Variants in DPYD observed in about 807,000 individuals in gnomAD.
The protein encoded by DPYD is dihydropyrimidine dehydrogenase [NADP(+)].
Under a neutral mutation model 116.2 loss-of-function variants are expected in DPYD, and 109 were observed. The ratio of observed to expected loss-of-function variants is 0.94; its 90% CI spans 0.80 to 1.10. The LOEUF (loss-of-function observed/expected upper bound fraction) is 1.10. Ranked by LOEUF, DPYD falls within the 50% of genes least tolerant of loss-of-function variation. DPYD has a pLI of 0.00. For missense variants in DPYD, 1,302 were observed against 1,254.5 expected (o/e 1.04, Z -0.57); for synonymous variants, 440 against 432.0 (o/e 1.02, Z -0.23).
intron 18 of DPYD, among the ~76,000 whole-genome samples, chr1:97,291,344 C>G (rs796276046): frequency 6.6e-6 from 1 of 152,062 alleles, no homozygotes; most frequent in African/African-American, 2.4e-5. Flanking sequence ...TGGGTATATA[C>G]CCAAAGGACT....
At chr1:97,436,119 A>G (rs1570730839) in intron 14 of DPYD, among the ~76,000 whole-genome samples, 3 of 152,000 alleles carry the variant, frequency 2.0e-5, no homozygotes, top group Admixed American at 2.0e-4. Flanking sequence ...TACAGTTTTC[A>G]CATTATCCTT....
chr1:97,778,845 T>C (rs1666572615), intron 3 of DPYD, among the ~76,000 whole-genome samples: 1 of 152,156 alleles, frequency 6.6e-6, no homozygotes, highest in Non-Finnish European at 1.5e-5. Flanking sequence ...AAAAAAAATC[T>C]ACAGGGAATT....
intron 8 of DPYD, among the ~76,000 whole-genome samples, chr1:97,670,805 C>T (rs1279814766): frequency 6.6e-6 from 1 of 152,128 alleles, no homozygotes; most frequent in Non-Finnish European, 1.5e-5. Flanking sequence ...CTCTTATCAA[C>T]TTCACTTTAA....
intron 2 of DPYD, among the ~76,000 whole-genome samples, chr1:97,831,313 G>T (rs1284921455): frequency 6.6e-6 from 1 of 152,138 alleles, no homozygotes; most frequent in Non-Finnish European, 1.5e-5. Flanking sequence ...TATCCACTGA[G>T]TAAAGGGCAA....
rs6692877 is a variant in DPYD, at chr1:97,253,271, A to G, written c.2300-18277T>C. Among the ~76,000 whole-genome samples the G allele has an allele frequency of 4.4e-3, 664 of 152,332 alleles. 7 individuals are homozygous for G. Among genetic ancestry groups the G allele is most frequent in the African/African-American group, 0.016 (645 of 41,578 alleles). ...AAATAATTTAGAATTTGAAATCAAT[A>G]GCATTTATAGACATTGGAAAATGTC... On this transcript the variant is annotated intron_variant, in intron 18 of 22. Transcript: ENST00000370192.
intron 13 of DPYD, among the ~76,000 whole-genome samples, chr1:97,451,366 G>C (rs1402880850): frequency 1.3e-5 from 2 of 152,092 alleles, no homozygotes; most frequent in African/African-American, 4.8e-5. Context: ...AGGATAAAAG[G>C]ACTTTTCTTC....
chr1:97,215,754 T>A (rs1660335969), intron 19 of DPYD, among the ~76,000 whole-genome samples: 1 of 152,146 alleles, frequency 6.6e-6, no homozygotes, highest in South Asian at 2.1e-4. Context: ...CTTAGGCCCA[T>A]GACACTCCAT....
At chr1:97,467,434 C>G (rs1677396420) in intron 13 of DPYD, among the ~76,000 whole-genome samples, 1 of 152,160 alleles carries the variant, frequency 6.6e-6, no homozygotes, top group Non-Finnish European at 1.5e-5. Flanking sequence ...CCCTTTTAGG[C>G]CAAAACCAAT....
chr1:97,422,245 C>T (rs147287531), intron 14 of DPYD, among the ~76,000 whole-genome samples: 54 of 152,150 alleles, frequency 3.5e-4, no homozygotes, highest in African/African-American at 1.3e-3. Flanking sequence ...AGAAAATGTG[C>T]ATTTCAAATA....
intron 16 of DPYD, among the ~76,000 whole-genome samples, chr1:97,318,057 C>T (rs1450274070): frequency 6.8e-6 from 1 of 147,644 alleles, no homozygotes. Context: ...ACCAGGCCTG[C>T]CCTAAAAGAG....
intron 14 of DPYD, among the ~76,000 whole-genome samples, chr1:97,447,204 C>CT (rs1676137020): frequency 6.6e-6 from 1 of 152,200 alleles, no homozygotes; most frequent in South Asian, 2.1e-4. Context: ...GAAAAGTTAG[C>CT]TTTTGCTTAG....
intron 16 of DPYD, among the ~76,000 whole-genome samples, chr1:97,311,362 C>T (rs1323647938): frequency 6.6e-6 from 1 of 151,822 alleles, no homozygotes; most frequent in East Asian, 2.0e-4. Flanking sequence ...TAGCATACTT[C>T]ATTGGATTTC....
Position 97,237,756 on chromosome 1 carries a change from A to G in DPYD, c.2300-2762T>C, listed in dbSNP as rs77659046. Among the ~76,000 whole-genome samples the G allele has an allele frequency of 3.0e-3, 464 of 152,330 alleles. 4 individuals carry two copies. The highest frequency in any genetic ancestry group is 0.02 in the East Asian group (105 of 5,188). On this transcript the variant is annotated intron_variant, in intron 18 of 22. Transcript: ENST00000370192. ...AGACACACAGCTATCTCTGCATAAT[A>G]TAACTGGCATAGCCAATACATACCA...
At chr1:97,534,689 T>C (rs1238575233) in intron 12 of DPYD, among the ~76,000 whole-genome samples, 3 of 152,118 alleles carry the variant, frequency 2.0e-5, no homozygotes, top group South Asian at 2.1e-4. Context: ...TATGTGAATT[T>C]ACTCTTTTAA....
intron 14 of DPYD, 34 bp from the exon 15 acceptor site, chr1:97,382,495 A>T (rs1672031830): frequency 7.4e-7 from 1 of 1,356,620 alleles, no homozygotes; most frequent in African/African-American, 1.4e-5. Context: ...TATAAGTTCA[A>T]GTAGTTATCC....
chr1:97,735,540 T>C (rs1435340473), intron 4 of DPYD, among the ~76,000 whole-genome samples: 3 of 146,052 alleles, frequency 2.1e-5, no homozygotes, highest in African/African-American at 5.0e-5. Flanking sequence ...AAAAAAAAAT[T>C]AGCCGGGCGT....
chr1:97,164,321 T>C (rs1370299353), intron 20 of DPYD, among the ~76,000 whole-genome samples: 2 of 152,104 alleles, frequency 1.3e-5, no homozygotes, highest in Admixed American at 6.6e-5. Context: ...GCCAATATCA[T>C]ACTGAAAGGG....
chr1:97,213,898 T>C (rs1029010710), intron 19 of DPYD, among the ~76,000 whole-genome samples: 30 of 152,160 alleles, frequency 2.0e-4, no homozygotes, highest in African/African-American at 6.5e-4. Flanking sequence ...ATTCCCCCTC[T>C]CGAGTTACTA....
chr1:97,406,136 C>T (rs1673642335), intron 14 of DPYD, among the ~76,000 whole-genome samples: 1 of 151,858 alleles, frequency 6.6e-6, no homozygotes, highest in Non-Finnish European at 1.5e-5. Context: ...ATGTGGTTTC[C>T]GCTAGTGAGT....
Sources: gnomAD v4.1 joint callset for allele counts (sites outside exome capture counted in the v4.1 genomes callset) on GRCh38, gnomAD v4.1.1 for gene constraint, MANE v1.5 for transcripts, NCBI Gene and HGNC (gene_info 2026-07-23, HGNC 2026-07-21) for gene names.